Variants in TMEM94 observed in about 807,000 individuals in gnomAD.
TMEM94 encodes transmembrane protein 94, also known as ER Mg2+ ATPase.
In TMEM94, 81 loss-of-function variants were observed where a neutral mutation model predicts 158.6. The observed-to-expected ratio is 0.51, with a 90% confidence interval of 0.43 to 0.61. The LOEUF (loss-of-function observed/expected upper bound fraction) is 0.61, where lower values mean the gene tolerates loss of function less well. Among genes scored for constraint, TMEM94 ranks in the 20% least tolerant of loss-of-function variants. The probability of loss-of-function intolerance (pLI) is 0.00; values close to 1 mark genes in which losing one functional copy is unlikely to be tolerated. For synonymous variants in TMEM94, 751 were observed against 730.7 expected (o/e 1.03, Z -0.45); for missense variants, 1,435 against 1,762.0 (o/e 0.81, Z 3.32).
intron 5 of TMEM94, among the ~76,000 whole-genome samples, chr17:75,486,991 G>A (rs1185526080): frequency 6.6e-6 from 1 of 152,182 alleles, no homozygotes; most frequent in Non-Finnish European, 1.5e-5. Flanking sequence ...CCAGGGGCAT[G>A]TGGTGCTGTG....
intron 1 of TMEM94, among the ~76,000 whole-genome samples, chr17:75,460,918 A>G (rs2050043353): frequency 6.6e-6 from 1 of 152,024 alleles, no homozygotes; most frequent in Admixed American, 6.6e-5. Context: ...ATCCATCTCC[A>G]GAACTTTCTT....
chr17:75,496,512 G>A (rs1285246132), intron 24 of TMEM94, 41 bp downstream of exon 24: 2 of 1,592,582 alleles, frequency 1.3e-6, no homozygotes, highest in Non-Finnish European at 1.7e-6. Flanking sequence ...ACGCAGGACA[G>A]GACCCGCCTG....
In TMEM94 at chr17:75,471,827, G is replaced by A. The variant is rs2050514505; in HGVS notation, c.-79G>A. The A allele has an allele frequency of 1.4e-6, 2 of 1,430,176 alleles. No homozygotes were observed. The highest frequency in any genetic ancestry group is 1.4e-5 in the African/African-American group (1 of 71,092). 88.6% of individuals were successfully genotyped at this position (1,430,176 alleles called of 1,614,324 possible). A position where few individuals can be genotyped will look rare whatever the true frequency, so the allele number is the denominator to read the frequency against. On this transcript the variant is annotated 5_prime_UTR_variant, in exon 2 of 32. Transcript: ENST00000314256. ...GTTGTGACTGTGACAGACTCACTGGGGTTTGTACATGCTGGGGAGGAGCCT... is the reference window on the plus strand; with the variant it reads ...GTTGTGACTGTGACAGACTCACTGGAGTTTGTACATGCTGGGGAGGAGCCT...
chr17:75,492,737 C>T lies in TMEM94; in HGVS notation c.1860C>T (p.Ala620=), dbSNP rs750240370. The change falls in exon 15 of 32, where the codon GCC becomes GCT. Residue 620 remains alanine (A), a synonymous_variant. Coordinates refer to ENST00000314256, the MANE Select transcript of TMEM94 (RefSeq NM_014738.6). The surrounding 1 kb of genome is among the most constrained non-coding windows in gnomAD (Gnocchi z 4.4). ...CNIALQESHS[A]VLPVHVPWGL... ...TCGCCCTGCAAGAGAGCCACAGCGC[C>T]GTGCTGCCCGTCCATGTGCCCTGGG... 9 of 1,609,880 alleles carry T rather than the reference C, an allele frequency of 5.6e-6. No homozygotes were observed. Among genetic ancestry groups the T allele is most frequent in the African/African-American group, 2.7e-5 (2 of 74,922 alleles).
intron 2 of TMEM94, among the ~76,000 whole-genome samples, chr17:75,478,003 CTTTTTTTTTTTTTT>C (rs909668190): frequency 2.4e-4 from 14 of 57,916 alleles, no homozygotes; most frequent in African/African-American, 9.4e-4. Context: ...GAGACTCCAT[CTTTTTTTTTTTTTT>C]TTTTTTTTTT....
intron 2 of TMEM94, among the ~76,000 whole-genome samples, chr17:75,480,787 C>T (rs2051098469): frequency 6.6e-6 from 1 of 152,232 alleles, no homozygotes; most frequent in Non-Finnish European, 1.5e-5. Flanking sequence ...CTCTTTCTCC[C>T]TCCCAGTCTC....
At chr17:75,486,218 C>A in intron 4 of TMEM94, 72 bp from the exon 5 acceptor site, 1 of 1,592,852 alleles carries the variant, frequency 6.3e-7, no homozygotes, top group South Asian at 1.1e-5. Flanking sequence ...GGAAGGGGAG[C>A]TGTGGCCTGG....
chr17:75,459,300 G>A (rs1204320815), intron 1 of TMEM94, among the ~76,000 whole-genome samples: 1 of 152,146 alleles, frequency 6.6e-6, no homozygotes, highest in Non-Finnish European at 1.5e-5. Flanking sequence ...TTCATCATCA[G>A]CCCCCAAATA....
At position 75,490,365 on chromosome 17, in the gene TMEM94, G is replaced by A. The variant is rs1448420465; in HGVS notation, c.1071+15G>A. 2.5e-6 allele frequency: 4 copies of A among 1,609,012 alleles called. No individual in the cohort carries two copies. Among genetic ancestry groups the A allele is most frequent in the Non-Finnish European group, 3.4e-6 (4 of 1,178,210 alleles). The stretch of plus-strand genomic sequence containing the variant: ...CCAGCTCCCTGGTAGGTTTTTCCAA[G>A]GTGTCTGGGGGAAGTCACAGGAACA... On this transcript the variant is annotated intron_variant, in intron 10 of 31. Coordinates refer to ENST00000314256, the MANE Select transcript of TMEM94 (RefSeq NM_014738.6).
In TMEM94 at chr17:75,492,688, G is replaced by A. The variant is rs766002348; in HGVS notation, c.1811G>A (p.Arg604Gln). 8.8e-5 allele frequency: 142 copies of A among 1,613,286 alleles called. No individual in the cohort carries two copies. The highest frequency in any genetic ancestry group is 1.1e-4 in the Non-Finnish European group (133 of 1,179,976). ...GCCAGCGTCACCGAGCGCCTGTGCC[G>A]ATTCTCCGACCACCTGTGCAACATC... is the stretch of plus-strand genomic sequence containing the variant. The part of the protein sequence containing the change: ...CDASVTERLC[R>Q]FSDHLCNIAL... Residue 604 changes from arginine to glutamine, a missense_variant, in exon 15 of 32, where the codon CGA (arginine) becomes CAA (glutamine). Arg to Gln is a conservative substitution (Grantham distance 43). This residue lies in a region of TMEM94 where 1,051 missense variants were observed against 1,254.4 expected (regional missense o/e 0.84). Coordinates refer to ENST00000314256, the MANE Select transcript of TMEM94 (RefSeq NM_014738.6). The surrounding 1 kb of genome is among the most constrained non-coding windows in gnomAD (Gnocchi z 4.4).
chr17:75,490,225 C>T lies in TMEM94; in HGVS notation c.955-9C>T. ...TCAGGAGCCATCTGTGTGGTCCGCT[C>T]CTTCCCAGGTGAATGGCGTCCTGCC... On this transcript the variant is annotated splice_polypyrimidine_tract_variant and intron_variant, in intron 9 of 31. Coordinates refer to ENST00000314256, the MANE Select transcript of TMEM94 (RefSeq NM_014738.6). 2 of 1,614,030 alleles carry T rather than the reference C, an allele frequency of 1.2e-6. No individual in the cohort carries two copies. Among genetic ancestry groups the T allele is most frequent in the East Asian group, 2.2e-5 (1 of 44,890 alleles).
In TMEM94 at chr17:75,472,043, G is replaced by C. The variant is rs2050520794; in HGVS notation, c.24+114G>C. ...TGGGGGCTTTAAACAAAAGTTGAGA[G>C]AGGAGGCAAGGCTCTGAGTCTTGGG... is the stretch of plus-strand genomic sequence containing the variant. On this transcript the variant is annotated intron_variant, in intron 2 of 31. Coordinates refer to ENST00000314256, the MANE Select transcript of TMEM94 (RefSeq NM_014738.6). The C allele has an allele frequency of 1.2e-5, 12 of 1,027,948 alleles. No individual in the cohort carries two copies. In the South Asian group the frequency reaches 1.6e-4, roughly 14 times the overall value. 63.7% of individuals were successfully genotyped at this position (1,027,948 alleles called of 1,614,324 possible).
At chr17:75,488,193 T>C (rs1338565397) in intron 6 of TMEM94, 59 bp downstream of exon 6, 2 of 1,546,682 alleles carry the variant, frequency 1.3e-6, no homozygotes, top group Non-Finnish European at 8.9e-7. Flanking sequence ...CAGGCAACGA[T>C]GGGAGGGTCC....
rs1021223027 is a variant in TMEM94, at chr17:75,489,426, G to T, written c.867+58G>T. 1.9e-6 allele frequency: 3 copies of T among 1,543,310 alleles called. No individual in the cohort carries two copies. The highest frequency in any genetic ancestry group is 2.7e-5 in the African/African-American group (2 of 73,372). On this transcript the variant is annotated intron_variant, in intron 8 of 31. Transcript: ENST00000314256. This position sits in a 1 kb window ranked among gnomAD's most constrained non-coding sequence, Gnocchi z 5.0. ...GGGCAGAGGAGAGGGCTGGACACGG[G>T]GGGGTCTCAGGGCCACTCACATGAG...
chr17:75,481,271 G>A (rs927265094), intron 2 of TMEM94, among the ~76,000 whole-genome samples: 2 of 152,252 alleles, frequency 1.3e-5, no homozygotes, highest in South Asian at 2.1e-4. Flanking sequence ...TTACCCATGT[G>A]GGGGTGTGAG....
At position 75,498,897 on chromosome 17, in the gene TMEM94, C is replaced by G; in HGVS notation, c.3828-15C>G. 6.5e-7 allele frequency: 1 copy of G among 1,534,328 alleles called. No individual in the cohort carries two copies. The highest frequency in any genetic ancestry group is 1.4e-5 in the African/African-American group (1 of 73,106). ...AAGCAGTGTCGGGTTCACACGGGGC[C>G]GCCACCTCCTGCAGGCTGCTGGGTC... On this transcript the variant is annotated splice_polypyrimidine_tract_variant and intron_variant, in intron 30 of 31. Coordinates refer to ENST00000314256, the MANE Select transcript of TMEM94 (RefSeq NM_014738.6). The surrounding 1 kb of genome is among the most constrained non-coding windows in gnomAD (Gnocchi z 6.7).
intron 1 of TMEM94, among the ~76,000 whole-genome samples, chr17:75,461,996 G>GTTTTTTT (rs1212545027): frequency 3.0e-5 from 2 of 66,058 alleles, no homozygotes; most frequent in African/African-American, 4.1e-5. Flanking sequence ...AGTTTTTTTT[G>GTTTTTTT]TTTTGTTTTG....
At chr17:75,463,035 AAAATATATATATATATATAT>A (rs1397739792) in intron 1 of TMEM94, among the ~76,000 whole-genome samples, 3 of 3,412 alleles carry the variant, frequency 8.8e-4, no homozygotes, top group Non-Finnish European at 1.7e-3. Context: ...AAAAAAAAAA[AAAATATATATATATATATAT>A]ATATATATAT....
chr17:75,493,340 T>C (rs954048908), intron 16 of TMEM94, 151 bp from the exon 17 acceptor site: 2 of 863,368 alleles, frequency 2.3e-6, no homozygotes, highest in East Asian at 2.7e-5. Flanking sequence ...CCCAGTGGCA[T>C]TGCAGAGCCT....
Sources: allele counts gnomAD v4.1 joint callset (sites outside exome capture counted in the v4.1 genomes callset), GRCh38; gene constraint gnomAD v4.1.1; regional missense constraint gnomAD v4.1.1; non-coding constraint Gnocchi (gnomAD v3.1); transcripts MANE v1.5; gene names NCBI Gene and HGNC (gene_info 2026-07-23, HGNC 2026-07-21).